Variants in ARHGAP6 observed in about 807,000 individuals in gnomAD.
ARHGAP6 encodes rho GTPase-activating protein 6.
ARHGAP6 carries 16 observed loss-of-function variants against 55.7 expected under a neutral mutation model. That is an observed-to-expected ratio of 0.29 (90% CI 0.19 to 0.44). ARHGAP6 has a LOEUF of 0.44. Among genes scored for constraint, ARHGAP6 ranks in the 20% least tolerant of loss-of-function variants. The probability of loss-of-function intolerance (pLI) is 1.00; values close to 1 mark genes in which losing one functional copy is unlikely to be tolerated. For synonymous variants in ARHGAP6, 382 were observed against 360.9 expected, an observed-to-expected ratio of 1.06 and a Z score of -0.66; for missense variants, 698 against 808.9, an observed-to-expected ratio of 0.86 and a Z score of 1.66.
intron 1 of ARHGAP6, among the ~76,000 whole-genome samples, chrX:11,653,749 C>T (rs2052610753): frequency 8.9e-6 from 1 of 111,766 alleles, no homozygotes. Flanking sequence ...TTTAATGTCA[C>T]AAAACAGAGC....
intron 1 of ARHGAP6, among the ~76,000 whole-genome samples, chrX:11,654,196 A>G (rs1393826779): frequency 9.0e-6 from 1 of 111,260 alleles, no homozygotes; most frequent in Admixed American, 9.6e-5. Flanking sequence ...TACTCCATCT[A>G]TATCTGGGCC....
intron 1 of ARHGAP6, among the ~76,000 whole-genome samples, chrX:11,264,223 T>TAA (rs11410186): frequency 6.6e-5 from 7 of 105,354 alleles, no homozygotes; most frequent in African/African-American, 2.4e-4. Flanking sequence ...AGAGAGCCTG[T>TAA]AAAAAAAAAA....
At chrX:11,354,535 T>C (rs981358305) in intron 1 of ARHGAP6, among the ~76,000 whole-genome samples, 7 of 108,551 alleles carry the variant, frequency 6.4e-5, no homozygotes, top group African/African-American at 2.0e-4. Context: ...CATAGTTCTC[T>C]ATGTAGAAGG....
chrX:11,594,107 G>T (rs1258518118), intron 1 of ARHGAP6, among the ~76,000 whole-genome samples: 3 of 111,418 alleles, frequency 2.7e-5, no homozygotes, highest in Non-Finnish European at 5.7e-5. Context: ...TGCCCTTCAT[G>T]ATATCCCAGG....
At chrX:11,479,776 C>G (rs190116430) in intron 1 of ARHGAP6, among the ~76,000 whole-genome samples, 4 of 111,995 alleles carry the variant, frequency 3.6e-5, no homozygotes, top group Non-Finnish European at 7.5e-5. Flanking sequence ...CCCCACTGCT[C>G]TTAATCAAGA....
intron 1 of ARHGAP6, among the ~76,000 whole-genome samples, chrX:11,362,226 T>G (rs1316584292): frequency 2.7e-5 from 3 of 111,796 alleles, no homozygotes; most frequent in East Asian, 5.6e-4. Flanking sequence ...TGCAGCACTA[T>G]TCACAATAGC....
At chrX:11,438,372 G>A (rs1203129622) in intron 1 of ARHGAP6, among the ~76,000 whole-genome samples, 4 of 112,554 alleles carry the variant, frequency 3.6e-5, no homozygotes, top group Non-Finnish European at 5.6e-5. Flanking sequence ...CCGGAGCCAC[G>A]TTCAAATTTC....
chrX:11,583,697 C>T (rs1203939066), intron 1 of ARHGAP6, among the ~76,000 whole-genome samples: 1 of 111,265 alleles, frequency 9.0e-6, no homozygotes, highest in Non-Finnish European at 1.9e-5. Context: ...CAGGCTTTAT[C>T]CCAGGAATTC....
In ARHGAP6 at chrX:11,584,849, C is replaced by A. The variant is rs188686206; in HGVS notation, c.588+79392G>T. ...ACTCAACAAATATTTTATTCTTTAA[C>A]TTTTAAGTTAAGGTTACATGTGCAA... is the stretch of plus-strand genomic sequence containing the variant. On this transcript the variant is annotated intron_variant, in intron 1 of 12. Coordinates refer to ENST00000337414, the MANE Select transcript of ARHGAP6 (RefSeq NM_013427.3). Among the ~76,000 whole-genome samples the A allele has an allele frequency of 2.7e-5, 3 of 111,659 alleles. No individual in the cohort carries two copies. The East Asian group carries it at 8.4e-4, about 31-fold the overall frequency.
chrX:11,475,738 C>G (rs1384752396), intron 1 of ARHGAP6, among the ~76,000 whole-genome samples: 1 of 102,979 alleles, frequency 9.7e-6, no homozygotes, highest in African/African-American at 3.5e-5. Flanking sequence ...TACACTTCAT[C>G]AAATTAAAAA....
intron 1 of ARHGAP6, among the ~76,000 whole-genome samples, chrX:11,326,769 G>A (rs2048504536): frequency 8.9e-6 from 1 of 112,146 alleles, no homozygotes; most frequent in Admixed American, 9.4e-5. Flanking sequence ...CTAAATGATG[G>A]CACAGTAATA....
chrX:11,324,031 T>C (rs1415165566), intron 1 of ARHGAP6, among the ~76,000 whole-genome samples: 1 of 111,209 alleles, frequency 9.0e-6, no homozygotes, highest in Non-Finnish European at 1.9e-5. Context: ...GCCAACACCA[T>C]AGACATCTCA....
At chrX:11,515,960 A>G (rs1008399222) in intron 1 of ARHGAP6, among the ~76,000 whole-genome samples, 14 of 112,567 alleles carry the variant, frequency 1.2e-4, no homozygotes, top group Admixed American at 1.2e-3. Flanking sequence ...CAAACGTGAT[A>G]TCCCAAATGA....
At chrX:11,619,243 C>A (rs1601703853) in intron 1 of ARHGAP6, among the ~76,000 whole-genome samples, 2 of 111,899 alleles carry the variant, frequency 1.8e-5, no homozygotes, top group East Asian at 5.6e-4. Flanking sequence ...GGAGGGAAGA[C>A]AAGGGATCTA....
At position 11,485,750 on chromosome X, in the gene ARHGAP6, C is replaced by T. The variant is rs932055456; in HGVS notation, c.588+178491G>A. The stretch of plus-strand genomic sequence containing the variant: ...TGGGTAGGATCAGTGAGCCCAGTTG[C>T]TACATCTCTTCAATTTGCAGGTTCG... On this transcript the variant is annotated intron_variant, in intron 1 of 12. Coordinates refer to ENST00000337414, the MANE Select transcript of ARHGAP6 (RefSeq NM_013427.3). 8.1e-5 allele frequency among the ~76,000 whole-genome samples: 9 copies of T among 111,796 alleles called. No individual in the cohort carries two copies. In the Admixed American group the frequency reaches 8.5e-4, roughly 11 times the overall value.
intron 1 of ARHGAP6, among the ~76,000 whole-genome samples, chrX:11,574,594 C>G (rs950479113): frequency 9.1e-6 from 1 of 109,812 alleles, no homozygotes; most frequent in Admixed American, 9.8e-5. Flanking sequence ...TAAGAGCTAT[C>G]TATGACAAAC....
intron 1 of ARHGAP6, among the ~76,000 whole-genome samples, chrX:11,373,523 T>A (rs1307766519): frequency 9.0e-6 from 1 of 111,637 alleles, no homozygotes; most frequent in Non-Finnish European, 1.9e-5. Flanking sequence ...AAACAGAAGG[T>A]CTGCATTTCA....
chrX:11,369,284 C>T (rs973523410), intron 1 of ARHGAP6, among the ~76,000 whole-genome samples: 5 of 111,060 alleles, frequency 4.5e-5, no homozygotes, highest in African/African-American at 1.6e-4. Context: ...TAGGGCCATG[C>T]TTTTCAAATT....
intron 1 of ARHGAP6, among the ~76,000 whole-genome samples, chrX:11,614,245 G>A (rs1483458034): frequency 8.9e-6 from 1 of 111,925 alleles, no homozygotes; most frequent in African/African-American, 3.2e-5. Flanking sequence ...GATTGTTTCA[G>A]TGTAGCCCCT....
Sources: gnomAD v4.1 joint callset for allele counts (sites outside exome capture counted in the v4.1 genomes callset) on GRCh38, gnomAD v4.1.1 for gene constraint, MANE v1.5 for transcripts, NCBI Gene and HGNC (gene_info 2026-07-23, HGNC 2026-07-21) for gene names.